Variants in NDUFB3 observed in about 807,000 individuals in gnomAD.
NDUFB3 encodes NADH dehydrogenase [ubiquinone] 1 beta subcomplex subunit 3.
A neutral mutation model predicts 9.0 loss-of-function variants in NDUFB3; 7 were observed. The observed-to-expected ratio is 0.78, with a 90% CI of 0.44 to 1.46. The LOEUF (loss-of-function observed/expected upper bound fraction) is 1.46. NDUFB3 is among the 40% of genes most tolerant of loss of function. The probability of loss-of-function intolerance (pLI) is 0.01; values close to 1 mark genes in which losing one functional copy is unlikely to be tolerated. For missense variants in NDUFB3, 93 were observed against 115.4 expected (o/e 0.81, Z 0.89); for synonymous variants, 29 against 38.5 (o/e 0.75, Z 0.91).
chr2:201,075,281 T>C (rs1222671265), intron 1 of NDUFB3, among the ~76,000 whole-genome samples: 1 of 151,902 alleles, frequency 6.6e-6, no homozygotes, highest in African/African-American at 2.4e-5. Flanking sequence ...ATATGTTATA[T>C]TTAGCCGGGC....
intron 1 of NDUFB3, among the ~76,000 whole-genome samples, chr2:201,074,383 T>C (rs2125530606): frequency 6.6e-6 from 1 of 152,184 alleles, no homozygotes; most frequent in East Asian, 1.9e-4. Context: ...GGCTACCATA[T>C]TGGACAGTGT....
chr2:201,081,806 G>A (rs1262080384), intron 2 of NDUFB3, among the ~76,000 whole-genome samples: 6 of 146,574 alleles, frequency 4.1e-5, no homozygotes, highest in Admixed American at 1.4e-4. Flanking sequence ...GCACCACCAC[G>A]CCCAGCTAAT....
chr2:201,080,122 A>T (rs1354981596), intron 2 of NDUFB3, among the ~76,000 whole-genome samples: 1 of 151,916 alleles, frequency 6.6e-6, no homozygotes. Context: ...ACATTCTGTG[A>T]TCTGTTTTGA....
At chr2:201,084,197 G>A (rs2047263893) in intron 2 of NDUFB3, among the ~76,000 whole-genome samples, 1 of 152,090 alleles carries the variant, frequency 6.6e-6, no homozygotes, top group South Asian at 2.1e-4. Context: ...GGCTGAGGCA[G>A]GAGAATCCCG....
chr2:201,074,672 G>T (rs1028223141), intron 1 of NDUFB3, among the ~76,000 whole-genome samples: 1 of 151,510 alleles, frequency 6.6e-6, no homozygotes, highest in African/African-American at 2.4e-5. Context: ...GGCCAGGCTG[G>T]TCTCAACTCC....
In NDUFB3 at chr2:201,078,999, A is replaced by G; in HGVS notation, c.117A>G (p.Lys39=). 6.2e-7 allele frequency: 1 copy of G among 1,612,076 alleles called. No individual in the cohort carries two copies. The highest frequency in any genetic ancestry group is 8.5e-7 in the Non-Finnish European group (1 of 1,179,466). The change falls in exon 2 of 3, where the codon AAA becomes AAG. Residue 39 remains lysine, a synonymous_variant. Transcript: ENST00000237889. ...LETIQKKLAA[K]GLRDPWGRNE... is the part of the protein sequence containing the mutation. The stretch of plus-strand genomic sequence containing the variant: ...CTATCCAGAAGAAGCTGGCTGCAAA[A>G]GGGCTAAGGGATCCATGGGGCCGGT...
chr2:201,082,935 G>A (rs951526882), intron 2 of NDUFB3, among the ~76,000 whole-genome samples: 12 of 150,450 alleles, frequency 8.0e-5, no homozygotes, highest in Admixed American at 2.0e-4. Context: ...GGATGGTCTC[G>A]ATCTCCTGAC....
intron 1 of NDUFB3, among the ~76,000 whole-genome samples, chr2:201,074,756 A>G (rs1186427759): frequency 6.6e-6 from 1 of 152,102 alleles, no homozygotes; most frequent in Non-Finnish European, 1.5e-5. Context: ...GCGCCCAGCC[A>G]TGTTCAGCCT....
At chr2:201,074,865 C>G (rs565411165) in intron 1 of NDUFB3, among the ~76,000 whole-genome samples, 54 of 152,284 alleles carry the variant, frequency 3.5e-4, no homozygotes, top group South Asian at 8.3e-4. Context: ...TTTTCCTCAG[C>G]TCTCACGATC....
chr2:201,084,605 C>G (rs899744784), intron 2 of NDUFB3, among the ~76,000 whole-genome samples: 6 of 152,168 alleles, frequency 3.9e-5, no homozygotes, highest in Admixed American at 6.6e-5. Context: ...CCACTGCTCT[C>G]TAGCCTCAGT....
chr2:201,076,484 A>ATATATATATATATAT (rs2047163767), intron 1 of NDUFB3, among the ~76,000 whole-genome samples: 1 of 120,090 alleles, frequency 8.3e-6, no homozygotes, highest in African/African-American at 3.1e-5. Context: ...TCTATCTTTA[A>ATATATATATATATAT]ATATATATAT....
intron 1 of NDUFB3, among the ~76,000 whole-genome samples, chr2:201,078,188 G>C (rs2047185689): frequency 1.3e-5 from 2 of 152,180 alleles, no homozygotes; most frequent in South Asian, 4.1e-4. Context: ...TGTAGTCCCA[G>C]CTACTCGCCA....
intron 2 of NDUFB3, among the ~76,000 whole-genome samples, chr2:201,081,790 A>G (rs1019011181): frequency 6.7e-6 from 1 of 149,756 alleles, no homozygotes; most frequent in Non-Finnish European, 1.5e-5. Context: ...CTGGGATTAC[A>G]GACGTGCACC....
intron 2 of NDUFB3, among the ~76,000 whole-genome samples, chr2:201,084,206 C>T (rs1444219612): frequency 6.6e-6 from 1 of 151,640 alleles, no homozygotes; most frequent in Non-Finnish European, 1.5e-5. Flanking sequence ...AGGAGAATCC[C>T]GTGAACCCAG....
At chr2:201,081,787 TAC>T (rs2047225744) in intron 2 of NDUFB3, among the ~76,000 whole-genome samples, 1 of 150,768 alleles carries the variant, frequency 6.6e-6, no homozygotes, top group African/African-American at 2.4e-5. Context: ...TAGCTGGGAT[TAC>T]AGACGTGCAC....
chr2:201,076,946 C>T (rs1212170556), intron 1 of NDUFB3, among the ~76,000 whole-genome samples: 3 of 151,716 alleles, frequency 2.0e-5, no homozygotes, highest in Non-Finnish European at 2.9e-5. Flanking sequence ...ACTAAAAATG[C>T]AAAATTAGCC....
intron 1 of NDUFB3, among the ~76,000 whole-genome samples, chr2:201,074,704 C>A (rs1485071783): frequency 6.6e-6 from 1 of 152,144 alleles, no homozygotes; most frequent in East Asian, 1.9e-4. Flanking sequence ...GATCCACCTG[C>A]CTTGGCCTCC....
intron 2 of NDUFB3, among the ~76,000 whole-genome samples, chr2:201,079,572 A>G (rs983556143): frequency 6.6e-6 from 1 of 152,004 alleles, no homozygotes; most frequent in Non-Finnish European, 1.5e-5. Flanking sequence ...CCTCCCTAGT[A>G]GCTGAGACTA....
rs550161336 is a variant in NDUFB3 at position 201,074,142 on chromosome 2, G to A, written c.-3+2083G>A. ...TAATTTTTTTATTTTTAGTAGAGAC[G>A]GGATTTTGCCATGTTGGTTAGGCTT... On this transcript the variant is annotated intron_variant, in intron 1 of 2. Coordinates refer to ENST00000237889, the MANE Select transcript of NDUFB3 (RefSeq NM_002491.3). 5.0e-4 allele frequency among the ~76,000 whole-genome samples: 76 copies of A among 151,982 alleles called. 1 individual carries two copies. The South Asian group carries it at 0.016, about 31-fold the overall frequency.
Sources: gnomAD v4.1 joint callset for allele counts (sites outside exome capture counted in the v4.1 genomes callset) on GRCh38, gnomAD v4.1.1 for gene constraint, MANE v1.5 for transcripts, NCBI Gene and HGNC (gene_info 2026-07-23, HGNC 2026-07-21) for gene names.